Variants in MMP26 observed in about 807,000 individuals in gnomAD.
The protein encoded by MMP26 is matrix metallopeptidase 26.
MMP26 carries 33 observed loss-of-function variants against 31.0 expected under a neutral mutation model. The ratio of observed to expected loss-of-function variants is 1.06; its 90% confidence interval spans 0.81 to 1.42. The LOEUF is 1.42. Among genes scored for constraint, MMP26 ranks in the 40% most tolerant of loss-of-function variants. MMP26 has a pLI of 0.00. For synonymous variants in MMP26, 122 were observed against 114.9 expected, an observed-to-expected ratio of 1.06 and a Z score of -0.40; for missense variants, 347 against 316.1, an observed-to-expected ratio of 1.10 and a Z score of -0.74.
rs773260345 is a variant in MMP26, at chr11:4,848,558, G to C, written c.-145+81217G>C. The C allele has an allele frequency of 6.8e-6, 11 of 1,611,012 alleles. No individual in the cohort carries two copies. The Middle Eastern group carries it at 5.0e-4, about 73-fold the overall frequency. On this transcript the variant is annotated intron_variant, in intron 2 of 7. Transcript: ENST00000380390. Reference sequence around the variant, plus strand: ...CATAGGAGAAGAAAATAAGCAGGGGGTCCAAACCCATGGCTGAAAGAACCA... The same window carrying C: ...CATAGGAGAAGAAAATAAGCAGGGGCTCCAAACCCATGGCTGAAAGAACCA...
At chr11:4,807,702 G>C (rs757480556) in intron 2 of MMP26, among the ~76,000 whole-genome samples, 24 of 152,168 alleles carry the variant, frequency 1.6e-4, no homozygotes, top group Admixed American at 2.6e-4. Context: ...AACCAACGTG[G>C]CACATGTATA....
At chr11:4,981,828 T>C (rs1231537562) in intron 2 of MMP26, among the ~76,000 whole-genome samples, 2 of 151,974 alleles carry the variant, frequency 1.3e-5, no homozygotes, top group African/African-American at 4.8e-5. Flanking sequence ...TTTTTCTTTT[T>C]TTTCTTTTTT....
intron 2 of MMP26, among the ~76,000 whole-genome samples, chr11:4,844,597 A>G (rs886562402): frequency 6.6e-6 from 1 of 152,204 alleles, no homozygotes; most frequent in Non-Finnish European, 1.5e-5. Flanking sequence ...GGGACACAAG[A>G]ATGGTTCAAC....
intron 2 of MMP26, among the ~76,000 whole-genome samples, chr11:4,900,203 T>C (rs1387139183): frequency 3.3e-5 from 5 of 152,170 alleles, no homozygotes; most frequent in South Asian, 2.1e-4. Flanking sequence ...TGTGTCCCTT[T>C]TCATGAAGTG....
At chr11:4,803,621 G>C (rs760407807) in intron 2 of MMP26, 12 of 1,613,894 alleles carry the variant, frequency 7.4e-6, no homozygotes, top group African/African-American at 2.7e-5. Context: ...GGGATATAAA[G>C]AGCCAAGATG....
At chr11:4,853,258 T>C (rs1406176923) in intron 2 of MMP26, among the ~76,000 whole-genome samples, 1 of 152,118 alleles carries the variant, frequency 6.6e-6, no homozygotes, top group African/African-American at 2.4e-5. Context: ...AGGGTAACTA[T>C]GTGAGGTAAT....
chr11:4,817,393 G>A (rs1849436531), intron 2 of MMP26, among the ~76,000 whole-genome samples: 1 of 152,128 alleles, frequency 6.6e-6, no homozygotes. Context: ...AGACCAGCCT[G>A]GACAATGTAA....
At chr11:4,959,469 A>G (rs1209201946) in intron 2 of MMP26, among the ~76,000 whole-genome samples, 4 of 152,044 alleles carry the variant, frequency 2.6e-5, no homozygotes, top group Non-Finnish European at 4.4e-5. Context: ...CTCTTGATTG[A>G]AACACAATCC....
chr11:4,837,937 A>G (rs529908367), intron 2 of MMP26, among the ~76,000 whole-genome samples: 64 of 150,740 alleles, frequency 4.2e-4, no homozygotes, highest in Middle Eastern at 3.4e-3. Context: ...AATGTTATTA[A>G]TTTAAATTCA....
At chr11:4,723,657 C>A (rs2133277283) in intron 1 of MMP26, 1 of 872,242 alleles carries the variant, frequency 1.1e-6, no homozygotes, top group East Asian at 2.4e-5. Context: ...CATACTTGTT[C>A]TTGCAGTTCT....
intron 2 of MMP26, chr11:4,875,997 G>GAGT (rs1239760089): frequency 9.9e-5 from 15 of 152,010 alleles, no homozygotes; most frequent in Non-Finnish European, 1.8e-4. Context: ...TACATCATAC[G>GAGT]AGTGCCAAAG....
At chr11:4,776,671 T>C (rs925326017) in intron 2 of MMP26, among the ~76,000 whole-genome samples, 88 of 152,142 alleles carry the variant, frequency 5.8e-4, no homozygotes, top group Admixed American at 5.8e-3. Flanking sequence ...GTTCTCATGA[T>C]AATAAGTGAA....
chr11:4,730,689 A>G (rs77139106), intron 1 of MMP26, among the ~76,000 whole-genome samples: 10,006 of 152,234 alleles, frequency 0.066, 402 homozygotes, highest in Non-Finnish European at 0.096. Flanking sequence ...GAGCAGTAAG[A>G]CATCCCTTAG....
chr11:4,750,819 G>A (rs537042282), intron 1 of MMP26, among the ~76,000 whole-genome samples: 14 of 152,046 alleles, frequency 9.2e-5, no homozygotes, highest in Middle Eastern at 3.4e-3. Flanking sequence ...TTTAATGGGT[G>A]TAAGGTACTC....
rs182970431 is a variant in MMP26 at position 4,868,798 on chromosome 11, C to T, written c.-145+101457C>T. Among the ~76,000 whole-genome samples the T allele has an allele frequency of 1.3e-3, 197 of 152,274 alleles. 1 individual carries two copies. Among genetic ancestry groups the T allele is most frequent in the Middle Eastern group, 3.4e-3 (1 of 294 alleles). On this transcript the variant is annotated intron_variant, in intron 2 of 7. Coordinates refer to ENST00000380390, the MANE Select transcript of MMP26 (RefSeq NM_021801.5). ...CAAAAGAACAAAGCTGGAGGCATCA[C>T]GCTACCTGACTTCAAACTATATTAG...
chr11:4,900,159 T>C (rs74619011), intron 2 of MMP26, among the ~76,000 whole-genome samples: 14,917 of 152,188 alleles, frequency 0.098, 924 homozygotes, highest in Middle Eastern at 0.19. Flanking sequence ...GATACAAGCA[T>C]GGTTGTGTGT....
At chr11:4,784,404 CT>C in intron 2 of MMP26, among the ~76,000 whole-genome samples, 1 of 152,182 alleles carries the variant, frequency 6.6e-6, no homozygotes, top group Non-Finnish European at 1.5e-5. Flanking sequence ...TCTTTGGTAC[CT>C]GTGAATATAA....
At chr11:4,856,341 G>A (rs139270638) in intron 2 of MMP26, among the ~76,000 whole-genome samples, 2,044 of 152,250 alleles carry the variant, frequency 0.013, 51 homozygotes, top group African/African-American at 0.046. Flanking sequence ...CACTTGCAGA[G>A]ACACACATAG....
At chr11:4,965,272 C>T (rs919783929) in intron 2 of MMP26, among the ~76,000 whole-genome samples, 1 of 152,110 alleles carries the variant, frequency 6.6e-6, no homozygotes, top group Admixed American at 6.6e-5. Context: ...AGAAAGATCA[C>T]ATCCTAGCAA....
Sources: allele counts gnomAD v4.1 joint callset (sites outside exome capture counted in the v4.1 genomes callset), GRCh38; gene constraint gnomAD v4.1.1; transcripts MANE v1.5; gene names NCBI Gene and HGNC (gene_info 2026-07-23, HGNC 2026-07-21).